Variants in NQO2 observed in about 807,000 individuals in gnomAD.
NQO2 encodes N-ribosyldihydronicotinamide:quinone dehydrogenase 2, also known as ribosyldihydronicotinamide dehydrogenase [quinone].
In NQO2, 18 loss-of-function variants were observed where a neutral mutation model predicts 22.0. The ratio of observed to expected loss-of-function variants is 0.82; its 90% CI spans 0.56 to 1.21. The LOEUF is 1.21. Ranked by LOEUF, NQO2 falls within the 50% of genes most tolerant of loss-of-function variation. The pLI is 0.00. For synonymous variants in NQO2, 106 were observed against 110.8 expected (o/e 0.96, Z 0.28); for missense variants, 267 against 286.9 (o/e 0.93, Z 0.50).
intron 4 of NQO2, among the ~76,000 whole-genome samples, chr6:3,013,049 G>T (rs898388697): frequency 7.3e-6 from 1 of 137,262 alleles, no homozygotes; most frequent in East Asian, 2.3e-4. Context: ...TCCGCCTCCC[G>T]GGTTCACGCC....
chr6:3,016,807 C>T, intron 5 of NQO2, 77 bp from the exon 6 acceptor site: 2 of 1,569,472 alleles, frequency 1.3e-6, no homozygotes, highest in Non-Finnish European at 8.6e-7. Context: ...CTGTGCTGAG[C>T]CCGTGTGCTG....
Position 3,019,519 on chromosome 6 carries a change from C to T in NQO2, c.560C>T (p.Pro187Leu). ...TTCTGTGGATTTAAAGTCCTTGCCC[C>T]TCAGATCAGCTTTGCTCCTGAAATT... Reference protein sequence around the residue: ...LHFCGFKVLAPQISFAPEIAS... With the variant: ...LHFCGFKVLALQISFAPEIAS... Residue 187 changes from proline to leucine, a missense_variant, in exon 7 of 7, where the codon CCT becomes CTT. Pro to Leu is a moderately conservative substitution (Grantham distance 98). Transcript: ENST00000380455. 1 of 1,614,158 alleles carries T rather than the reference C, an allele frequency of 6.2e-7. No individual in the cohort carries two copies. The highest frequency in any genetic ancestry group is 8.5e-7 in the Non-Finnish European group (1 of 1,180,022).
intron 1 of NQO2, among the ~76,000 whole-genome samples, chr6:3,001,739 T>C (rs2113425796): frequency 6.6e-6 from 1 of 152,318 alleles, no homozygotes; most frequent in East Asian, 1.9e-4. Flanking sequence ...AATTAAATAA[T>C]GTACACGTCA....
intron 1 of NQO2, chr6:3,005,665 T>C (rs1303635000): frequency 2.0e-6 from 2 of 985,244 alleles, no homozygotes; most frequent in East Asian, 2.3e-4. Context: ...TCTCCTTGTA[T>C]CTCCCAGAAG....
At chr6:3,013,078 C>G (rs949936299) in intron 4 of NQO2, among the ~76,000 whole-genome samples, 2 of 150,566 alleles carry the variant, frequency 1.3e-5, no homozygotes, top group African/African-American at 4.9e-5. Context: ...GCCTCAGCCT[C>G]CCGAGTAGCT....
intron 2 of NQO2, among the ~76,000 whole-genome samples, chr6:3,007,761 A>T (rs776077494): frequency 1.3e-5 from 2 of 152,206 alleles, no homozygotes; most frequent in Non-Finnish European, 2.9e-5. Context: ...GATGGGCTCC[A>T]TGTGGCCCTG....
rs1756968952 is a variant in NQO2, at chr6:3,006,901, G to A, written c.7+342G>A. ...TGAAATTCTCCCTGGGCTGTAGCAG[G>A]GGCTCAAGTGAATGAACCCCAGGAG... is the stretch of plus-strand genomic sequence containing the variant. On this transcript the variant is annotated intron_variant, in intron 2 of 6. Transcript: ENST00000380455. This position sits in a 1 kb window ranked among gnomAD's most constrained non-coding sequence, Gnocchi z 4.0. The A allele has an allele frequency of 2.4e-6, 1 of 411,234 alleles. No homozygotes were observed. Among genetic ancestry groups the A allele is most frequent in the African/African-American group, 2.1e-5 (1 of 48,706 alleles). The allele number at this position is 411,234 out of a possible 1,614,324, so 25.5% of individuals were successfully genotyped here. A position where few individuals can be genotyped will look rare whatever the true frequency, so the allele number is the denominator to read the frequency against.
At chr6:3,005,957 A>C (rs985197252) in intron 1 of NQO2, 3 of 270,496 alleles carry the variant, frequency 1.1e-5, no homozygotes, top group African/African-American at 6.9e-5. Context: ...CCTCCGCTGC[A>C]TCCCTGGAGA....
At chr6:3,010,771 A>T (rs1164938086) in intron 3 of NQO2, among the ~76,000 whole-genome samples, 1 of 152,182 alleles carries the variant, frequency 6.6e-6, no homozygotes, top group Non-Finnish European at 1.5e-5. Context: ...TGTAGGAGGT[A>T]CATTCTGCAG....
Position 3,006,420 on chromosome 6 carries a change from C to T in NQO2, c.-85-48C>T. ...GATGCCTAGATGTGGTACATTCGAC[C>T]TCACCTATGCCTCTCCCCACCCCCT... On this transcript the variant is annotated intron_variant, in intron 1 of 6. Transcript: ENST00000380455. This position sits in a 1 kb window ranked among gnomAD's most constrained non-coding sequence, Gnocchi z 4.0. 6.6e-7 allele frequency: 1 copy of T among 1,520,452 alleles called. No individual in the cohort carries two copies. Among genetic ancestry groups the T allele is most frequent in the Non-Finnish European group, 8.8e-7 (1 of 1,137,914 alleles). 94.2% of individuals were successfully genotyped at this position (1,520,452 alleles called of 1,614,324 possible). A position where few individuals can be genotyped will look rare whatever the true frequency, so the allele number is the denominator to read the frequency against.
chr6:3,012,730 T>C (rs1757178846), intron 4 of NQO2, 56 bp downstream of exon 4: 9 of 1,543,922 alleles, frequency 5.8e-6, no homozygotes, highest in Non-Finnish European at 7.1e-6. Context: ...TACAAACTCT[T>C]TCTGAATATT....
chr6:3,005,076 T>A (rs1756898366), intron 1 of NQO2, among the ~76,000 whole-genome samples: 1 of 152,170 alleles, frequency 6.6e-6, no homozygotes, highest in African/African-American at 2.4e-5. Flanking sequence ...ATTACAGGTG[T>A]GAGCCACGGT....
chr6:3,006,868 C>T lies in NQO2; in HGVS notation c.7+309C>T. 1 of 427,692 alleles carries T rather than the reference C, an allele frequency of 2.3e-6. No homozygotes were observed. Among genetic ancestry groups the T allele is most frequent in the Non-Finnish European group, 4.1e-6 (1 of 243,244 alleles). 26.5% of individuals were successfully genotyped at this position (427,692 alleles called of 1,614,324 possible). A position where few individuals can be genotyped will look rare whatever the true frequency, so the allele number is the denominator to read the frequency against. On this transcript the variant is annotated intron_variant, in intron 2 of 6. Transcript: ENST00000380455. The surrounding 1 kb of genome is among the most constrained non-coding windows in gnomAD (Gnocchi z 4.0). ...TGCCTATCCTGTCTTTGCTGTGCCTCCAGGCCCTGAAATTCTCCCTGGGCT... is the reference window on the plus strand; with the variant it reads ...TGCCTATCCTGTCTTTGCTGTGCCTTCAGGCCCTGAAATTCTCCCTGGGCT...
rs1421895157 is a variant in NQO2 at position 3,012,628 on chromosome 6, C to T, written c.257C>T (p.Thr86Ile). ...CAAAGGTCTCTGGCTAGCGACATCA[C>T]TGATGAGCAGAAAAAGGTTCGGGAG... The part of the protein sequence containing the change: ...YKQRSLASDI[T>I]DEQKKVREAD... Residue 86 changes from threonine (T) to isoleucine (I), a missense_variant, in exon 4 of 7, where the codon ACT becomes ATT. Coordinates refer to ENST00000380455, the MANE Select transcript of NQO2 (RefSeq NM_000904.6). 6.2e-7 allele frequency: 1 copy of T among 1,614,080 alleles called. No individual in the cohort carries two copies. Among genetic ancestry groups the T allele is most frequent in the East Asian group, 2.2e-5 (1 of 44,876 alleles).
intron 1 of NQO2, among the ~76,000 whole-genome samples, chr6:3,001,377 C>T (rs890320236): frequency 2.0e-5 from 3 of 152,114 alleles, no homozygotes; most frequent in African/African-American, 7.2e-5. Context: ...TGAACCACTG[C>T]GCCCGGCCAA....
intron 6 of NQO2, among the ~76,000 whole-genome samples, chr6:3,017,366 G>T (rs1757370337): frequency 6.6e-6 from 1 of 152,188 alleles, no homozygotes; most frequent in Non-Finnish European, 1.5e-5. Flanking sequence ...CATCCATATG[G>T]CTCTGGCAGT....
At chr6:3,012,045 C>T (rs917406313) in intron 3 of NQO2, among the ~76,000 whole-genome samples, 1 of 152,196 alleles carries the variant, frequency 6.6e-6, no homozygotes, top group Non-Finnish European at 1.5e-5. Context: ...GTGTACAGTC[C>T]ACTCATTACT....
At chr6:3,016,584 T>G (rs1033919798) in intron 5 of NQO2, among the ~76,000 whole-genome samples, 1 of 152,138 alleles carries the variant, frequency 6.6e-6, no homozygotes, top group African/African-American at 2.4e-5. Context: ...GGGAACCTTG[T>G]CCTGTGGTCA....
intron 1 of NQO2, among the ~76,000 whole-genome samples, chr6:3,004,967 G>A (rs775847199): frequency 2.0e-4 from 31 of 152,138 alleles, no homozygotes; most frequent in Middle Eastern, 3.4e-3. Context: ...GCTAATTTTT[G>A]TATTTTTAGT....
Sources: gnomAD v4.1 joint callset for allele counts (sites outside exome capture counted in the v4.1 genomes callset) on GRCh38, gnomAD v4.1.1 for gene constraint, Gnocchi (gnomAD v3.1) non-coding constraint, MANE v1.5 for transcripts, NCBI Gene and HGNC (gene_info 2026-07-23, HGNC 2026-07-21) for gene names.